ADGRL2: variants seen among roughly 807,000 people sequenced by gnomAD.
ADGRL2 encodes the protein calcium-independent alpha-latrotoxin receptor 2.
Under a neutral mutation model 157.4 loss-of-function variants are expected in ADGRL2, and 44 were observed. The observed-to-expected ratio is 0.28, with a 90% confidence interval of 0.22 to 0.36. The LOEUF is 0.36. Ranked by LOEUF, ADGRL2 falls within the 10% of genes least tolerant of loss-of-function variation. ADGRL2 has a pLI of 1.00. For synonymous variants in ADGRL2, 585 were observed against 624.7 expected (o/e 0.94, Z 0.95); for missense variants, 1,510 against 1,768.9 (o/e 0.85, Z 2.63).
intron 3 of ADGRL2, among the ~76,000 whole-genome samples, chr1:81,645,378 C>G (rs1368498189): frequency 8.9e-6 from 1 of 112,502 alleles, no homozygotes; most frequent in East Asian, 2.6e-4. Flanking sequence ...GCCTGGGTGA[C>G]AGAGTGAGAT....
intron 1 of ADGRL2, among the ~76,000 whole-genome samples, chr1:81,732,083 G>A (rs1321506166): frequency 6.6e-6 from 1 of 152,158 alleles, no homozygotes; most frequent in Non-Finnish European, 1.5e-5. Flanking sequence ...AGATAACTGT[G>A]AGAAATCCAT....
At chr1:81,684,774 T>G (rs1250244087) in intron 3 of ADGRL2, among the ~76,000 whole-genome samples, 3 of 152,230 alleles carry the variant, frequency 2.0e-5, no homozygotes, top group Admixed American at 2.0e-4. Context: ...GGTCTTAGGT[T>G]TAAGTCTTCA....
intron 1 of ADGRL2, among the ~76,000 whole-genome samples, chr1:81,336,824 G>A (rs537117951): frequency 3.9e-5 from 6 of 152,158 alleles, no homozygotes; most frequent in African/African-American, 1.4e-4. Context: ...TTACCTCCCC[G>A]TTTTCCCACT....
chr1:81,924,919 C>G lies in ADGRL2; in HGVS notation c.288-11809C>G, dbSNP rs558173789. On this transcript the variant is annotated intron_variant, in intron 3 of 23. Transcript: ENST00000686636. ...ATTTGATGATGATACATAATTTATG[C>G]TCATATTTGTTATTAAGCACATACT... 2.0e-5 allele frequency among the ~76,000 whole-genome samples: 3 copies of G among 152,120 alleles called. No homozygotes were observed. In the South Asian group the frequency reaches 6.2e-4, roughly 32 times the overall value.
At chr1:81,403,990 G>A (rs11163277) in intron 1 of ADGRL2, among the ~76,000 whole-genome samples, 63,598 of 151,290 alleles carry the variant, frequency 0.42, 14,659 homozygotes, top group East Asian at 0.6. Flanking sequence ...TAGAGACAGG[G>A]TTTTGCCATG....
chr1:81,601,049 CATTGGTGAGAGGAGGGCATGACT>C (rs2081324378), intron 3 of ADGRL2, among the ~76,000 whole-genome samples: 1 of 152,114 alleles, frequency 6.6e-6, no homozygotes, highest in Non-Finnish European at 1.5e-5. Flanking sequence ...CACAGGTGAT[CATTGGTGAGAGGAGGGCATGACT>C]AGCAACTGCG....
At chr1:81,720,560 AC>A (rs1262187137) in intron 1 of ADGRL2, among the ~76,000 whole-genome samples, 6 of 152,078 alleles carry the variant, frequency 3.9e-5, no homozygotes, top group Non-Finnish European at 8.8e-5. Flanking sequence ...TGACCATCAA[AC>A]TAGTTCACAG....
At chr1:81,796,526 G>C (rs2087596423), upstream of ADGRL2, among the ~76,000 whole-genome samples, 1 of 152,150 alleles carries the variant, frequency 6.6e-6, no homozygotes, top group African/African-American at 2.4e-5. Context: ...GAAAAACTTT[G>C]AGTTGTTTAA....
chr1:81,339,534 C>T (rs1412312056), intron 1 of ADGRL2, among the ~76,000 whole-genome samples: 1 of 152,126 alleles, frequency 6.6e-6, no homozygotes, highest in East Asian at 1.9e-4. Context: ...AAAATCTTAA[C>T]TTCTGTTAAT....
chr1:81,396,557 G>A (rs1382082727), intron 1 of ADGRL2, among the ~76,000 whole-genome samples: 2 of 152,004 alleles, frequency 1.3e-5, no homozygotes, highest in Non-Finnish European at 1.5e-5. Flanking sequence ...GGTGAGAGTG[G>A]GCATCCTTGT....
chr1:81,527,360 G>A (rs1570392761), intron 2 of ADGRL2, among the ~76,000 whole-genome samples: 1 of 152,264 alleles, frequency 6.6e-6, no homozygotes, highest in East Asian at 1.9e-4. Context: ...GGGAGTCTCA[G>A]GGAGGAGTTT....
chr1:81,417,925 A>G (rs1020762804), intron 1 of ADGRL2, among the ~76,000 whole-genome samples: 5 of 152,202 alleles, frequency 3.3e-5, no homozygotes, highest in Non-Finnish European at 7.4e-5. Flanking sequence ...GCATGACAAT[A>G]TCACACCCAC....
Position 81,713,166 on chromosome 1 carries a change from G to A in ADGRL2, c.-143+13358G>A, listed in dbSNP as rs566473570. On this transcript the variant is annotated intron_variant, in intron 1 of 20. Coordinates refer to the ADGRL2 transcript ENST00000359929. ...ACTTCCAAGGCATTCCATCTTGAGA[G>A]GGAAGGACCTAGGATCTTCCTGGAG... is the stretch of plus-strand genomic sequence containing the variant. 1.8e-4 allele frequency among the ~76,000 whole-genome samples: 28 copies of A among 152,226 alleles called. 1 individual carries two copies. The South Asian group carries it at 2.7e-3, about 15-fold the overall frequency.
At chr1:81,675,116 C>T (rs2082958995) in intron 3 of ADGRL2, among the ~76,000 whole-genome samples, 1 of 152,108 alleles carries the variant, frequency 6.6e-6, no homozygotes, top group South Asian at 2.1e-4. Flanking sequence ...AACGAAATAA[C>T]ATAACTGAGA....
In ADGRL2 at chr1:81,966,609, T is replaced by A; in HGVS notation, c.2349T>A (p.Asp783Glu). 6.2e-7 allele frequency: 1 copy of A among 1,609,246 alleles called. No individual in the cohort carries two copies. The highest frequency in any genetic ancestry group is 1.1e-5 in the South Asian group (1 of 91,010). The change falls in exon 13 of 24, where the codon GAT (aspartate) becomes GAA (glutamate). Residue 783 changes from aspartate (D) to glutamate (E), a missense_variant and splice_region_variant. Asp to Glu is a conservative substitution (Grantham distance 45). Around this residue, in one of 4 missense-constraint regions of ADGRL2, gnomAD observed 497 missense variants for 627.2 expected, o/e 0.79. Transcript: ENST00000686636. ...TGCTTTTTACCCTGCCACACATTGA[T>A]GTAAGTTAATGTATGCTAATGAAGT... ...DPVLFTLPHI[D>E]PDNYFNANCS...
chr1:81,690,439 T>C (rs2083309582), intron 3 of ADGRL2, among the ~76,000 whole-genome samples: 2 of 152,158 alleles, frequency 1.3e-5, no homozygotes, highest in South Asian at 4.1e-4. Flanking sequence ...GAGATTGCGG[T>C]GAGCCAAGAT....
intron 1 of ADGRL2, among the ~76,000 whole-genome samples, chr1:81,339,074 C>T (rs958455593): frequency 2.6e-5 from 4 of 152,124 alleles, no homozygotes; most frequent in Admixed American, 6.5e-5. Flanking sequence ...TTTAGAGGTA[C>T]CACCTCTAGA....
In ADGRL2 at chr1:81,950,239, A is replaced by G. The variant is rs139594598; in HGVS notation, c.1261A>G (p.Ile421Val). Residue 421 changes from isoleucine to valine, a missense_variant, in exon 7 of 24, where the codon ATA (isoleucine) becomes GTA (valine). Around this residue, in one of 4 missense-constraint regions of ADGRL2, gnomAD observed 325 missense variants for 333.2 expected, o/e 0.98. Transcript: ENST00000686636. ...ITSSAELFKT[I>V]ISTTSTTSQK... ...TTCTTCAGCTGAGCTGTTCAAAACC[A>G]TAATATCAACCACAAGCACTACTTC... 2.6e-5 allele frequency: 42 copies of G among 1,613,968 alleles called. No homozygotes were observed. Among genetic ancestry groups the G allele is most frequent in the Admixed American group, 1.2e-4 (7 of 59,988 alleles).
intron 3 of ADGRL2, among the ~76,000 whole-genome samples, chr1:81,674,527 G>A (rs573953243): frequency 1.3e-5 from 2 of 152,230 alleles, no homozygotes; most frequent in South Asian, 4.1e-4. Flanking sequence ...TTTTATTTGC[G>A]CCCAAGCAAA....
Sources: gnomAD v4.1 joint callset for allele counts (sites outside exome capture counted in the v4.1 genomes callset) on GRCh38, gnomAD v4.1.1 for gene constraint, gnomAD v4.1.1 regional missense constraint, MANE v1.5 for transcripts, NCBI Gene and HGNC (gene_info 2026-07-23, HGNC 2026-07-21) for gene names.